The following RPS6KC1 variants were observed in gnomAD, a reference collection of about 807,000 sequenced individuals.
The protein encoded by RPS6KC1 is inactive ribosomal protein S6 kinase delta-1.
Under a neutral mutation model 103.8 loss-of-function variants are expected in RPS6KC1, and 54 were observed. The ratio of observed to expected loss-of-function variants is 0.52; its 90% CI spans 0.42 to 0.65. RPS6KC1 has a LOEUF of 0.65. Ranked by LOEUF, RPS6KC1 falls within the 30% of genes least tolerant of loss-of-function variation. The probability of loss-of-function intolerance (pLI) is 0.00; values close to 1 mark genes in which losing one functional copy is unlikely to be tolerated. For synonymous variants in RPS6KC1, 439 were observed against 438.7 expected (o/e 1.00, Z -0.01); for missense variants, 1,151 against 1,253.8 (o/e 0.92, Z 1.24).
the RPS6KC1 span, among the ~76,000 whole-genome samples, chr1:213,549,139 A>T: frequency 6.6e-6 from 1 of 152,112 alleles, no homozygotes; most frequent in East Asian, 1.9e-4. Context: ...TGAGTTTATG[A>T]TTATCCCTCT....
At chr1:213,138,262 T>G (rs1251924517) in intron 6 of RPS6KC1, among the ~76,000 whole-genome samples, 2 of 152,212 alleles carry the variant, frequency 1.3e-5, no homozygotes, top group Non-Finnish European at 2.9e-5. Flanking sequence ...TGTTGTACTT[T>G]ATAGCACTTT....
At chr1:213,533,538 C>T in the RPS6KC1 span, among the ~76,000 whole-genome samples, 6 of 152,272 alleles carry the variant, frequency 3.9e-5, no homozygotes, top group Middle Eastern at 3.4e-3. Context: ...AGGAAACTAA[C>T]GTTCCTGGTA....
chr1:213,236,270 C>T (rs1039880942), intron 10 of RPS6KC1, among the ~76,000 whole-genome samples: 3 of 152,046 alleles, frequency 2.0e-5, no homozygotes, highest in African/African-American at 4.8e-5. Context: ...GAACTGCTGG[C>T]GTAGGTCGTA....
chr1:213,770,628 T>G, the RPS6KC1 span, among the ~76,000 whole-genome samples: 1 of 152,116 alleles, frequency 6.6e-6, no homozygotes, highest in Non-Finnish European at 1.5e-5. Context: ...CATTTAGCTA[T>G]GGAGGTAATT....
chr1:213,368,755 G>T, the RPS6KC1 span, among the ~76,000 whole-genome samples: 88 of 152,178 alleles, frequency 5.8e-4, no homozygotes, highest in Non-Finnish European at 1.2e-4. Context: ...CTGCAAAAGA[G>T]AGCTGGCCAG....
the RPS6KC1 span, among the ~76,000 whole-genome samples, chr1:213,740,663 A>ACACATATATATCTCTCAGATATATG: frequency 3.9e-4 from 53 of 134,392 alleles, no homozygotes; most frequent in African/African-American, 1.2e-3. Flanking sequence ...TCAGATATAT[A>ACACATATATATCTCTCAGATATATG]TACACATATA....
At chr1:213,832,468 A>C in the RPS6KC1 span, 3 of 152,242 alleles carry the variant, frequency 2.0e-5, no homozygotes, top group East Asian at 5.8e-4. Flanking sequence ...GGGGGATTTG[A>C]TCCACACCTT....
the RPS6KC1 span, among the ~76,000 whole-genome samples, chr1:213,802,295 A>G: frequency 6.6e-6 from 1 of 152,244 alleles, no homozygotes; most frequent in Non-Finnish European, 1.5e-5. Context: ...CTCTTTACCT[A>G]TTTGAATCAC....
At chr1:213,632,452 A>AGGTCT in the RPS6KC1 span, among the ~76,000 whole-genome samples, 1 of 152,204 alleles carries the variant, frequency 6.6e-6, no homozygotes, top group African/African-American at 2.4e-5. Flanking sequence ...CAGCTGAGGC[A>AGGTCT]CCTGACTGTT....
At chr1:213,484,688 C>T in the RPS6KC1 span, among the ~76,000 whole-genome samples, 3 of 152,126 alleles carry the variant, frequency 2.0e-5, no homozygotes, top group African/African-American at 7.2e-5. Context: ...GTGTCATGTA[C>T]CTTCTAAGTT....
chr1:213,284,304 C>T, the RPS6KC1 span, among the ~76,000 whole-genome samples: 2 of 152,112 alleles, frequency 1.3e-5, no homozygotes, highest in Non-Finnish European at 2.9e-5. Context: ...ATTGCTTTGG[C>T]CGGGAGTTTG....
the RPS6KC1 span, among the ~76,000 whole-genome samples, chr1:213,478,234 A>G: frequency 5.3e-5 from 8 of 152,252 alleles, no homozygotes; most frequent in East Asian, 7.7e-4. Flanking sequence ...CATTGTCCGA[A>G]TGTACCACAC....
chr1:213,053,810 A>G (rs898186368), intron 1 of RPS6KC1, among the ~76,000 whole-genome samples: 6 of 152,120 alleles, frequency 3.9e-5, no homozygotes, highest in Non-Finnish European at 8.8e-5. Context: ...GTTACTTTAC[A>G]AAAGGAAAGG....
chr1:213,111,547 A>G (rs1399654556), intron 4 of RPS6KC1, among the ~76,000 whole-genome samples: 3 of 152,204 alleles, frequency 2.0e-5, no homozygotes, highest in Non-Finnish European at 4.4e-5. Flanking sequence ...ATTTAGGATT[A>G]TGAGCTAAAA....
At chr1:213,152,987 C>G (rs999505273) in intron 6 of RPS6KC1, among the ~76,000 whole-genome samples, 1 of 152,248 alleles carries the variant, frequency 6.6e-6, no homozygotes, top group African/African-American at 2.4e-5. Context: ...TCTGCAATCC[C>G]GGCACCTCAG....
rs576895372 is a variant in RPS6KC1, at chr1:213,097,268, C to G, written c.263-7186C>G. Among the ~76,000 whole-genome samples the G allele has an allele frequency of 5.3e-5, 8 of 152,280 alleles. No homozygotes were observed. In the East Asian group the frequency reaches 7.7e-4, roughly 15 times the overall value. Reference sequence around the variant, plus strand: ...AATCAGGAGGCTGAGACAGGAGAATCACTTGAACCTGGTAGGCGGAGGCTG... The same window carrying G: ...AATCAGGAGGCTGAGACAGGAGAATGACTTGAACCTGGTAGGCGGAGGCTG... On this transcript the variant is annotated intron_variant, in intron 3 of 14. Coordinates refer to ENST00000366960, the MANE Select transcript of RPS6KC1 (RefSeq NM_012424.6).
chr1:213,271,536 C>T (rs1451267657), intron 14 of RPS6KC1, among the ~76,000 whole-genome samples: 3 of 152,032 alleles, frequency 2.0e-5, no homozygotes, highest in African/African-American at 4.8e-5. Flanking sequence ...GAGGCCGAGA[C>T]GGGCGGATCA....
the RPS6KC1 span, among the ~76,000 whole-genome samples, chr1:213,848,951 G>A: frequency 6.6e-6 from 1 of 152,070 alleles, no homozygotes; most frequent in Non-Finnish European, 1.5e-5. Context: ...GGAAGAGAAG[G>A]AGGAGACAAA....
chr1:213,713,472 G>T, the RPS6KC1 span, among the ~76,000 whole-genome samples: 1 of 152,084 alleles, frequency 6.6e-6, no homozygotes. Context: ...AGTAAGTATT[G>T]TTCATTGCTT....
Sources: allele counts gnomAD v4.1 joint callset (sites outside exome capture counted in the v4.1 genomes callset), GRCh38; gene constraint gnomAD v4.1.1; transcripts MANE v1.5; gene names NCBI Gene and HGNC (gene_info 2026-07-23, HGNC 2026-07-21).